Variants in ATP13A2 observed in about 807,000 individuals in gnomAD.
ATP13A2 encodes ATPase cation transporting 13A2, also known as polyamine-transporting ATPase 13A2.
A neutral mutation model predicts 138.3 loss-of-function variants in ATP13A2; 83 were observed. That is an observed-to-expected ratio of 0.60 (90% confidence interval 0.50 to 0.72). The LOEUF (loss-of-function observed/expected upper bound fraction) is 0.72. Among genes scored for constraint, ATP13A2 ranks in the 30% least tolerant of loss-of-function variants. The pLI is 0.00. For missense variants in ATP13A2, 1,402 were observed against 1,606.4 expected, an observed-to-expected ratio of 0.87 and a Z score of 2.17; for synonymous variants, 663 against 699.0, an observed-to-expected ratio of 0.95 and a Z score of 0.81.
At position 17,000,551 on chromosome 1, in the gene ATP13A2, A is replaced by G; in HGVS notation, c.706-17T>C. On this transcript the variant is annotated splice_polypyrimidine_tract_variant and intron_variant, in intron 8 of 28. Coordinates refer to ENST00000326735, the MANE Select transcript of ATP13A2 (RefSeq NM_022089.4). ...GTTCAGTGCCTGGGGGAGGGGCGGG[A>G]GGCAGCGTCAGGGCCGCGTCCCCCA... The G allele has an allele frequency of 1.2e-5, 20 of 1,610,862 alleles. No individual in the cohort carries two copies. Among genetic ancestry groups the G allele is most frequent in the Middle Eastern group, 1.7e-4 (1 of 6,022 alleles).
At chr1:17,001,466 T>C (rs949450634) in intron 8 of ATP13A2, among the ~76,000 whole-genome samples, 9 of 151,744 alleles carry the variant, frequency 5.9e-5, no homozygotes, top group Non-Finnish European at 1.2e-4. Flanking sequence ...AAAAACCACA[T>C]AGCTTCTAAG....
chr1:16,989,295 G>A lies in ATP13A2; in HGVS notation c.2609+396C>T, dbSNP rs116131655. 5.0e-3 allele frequency among the ~76,000 whole-genome samples: 760 copies of A among 151,940 alleles called. 4 individuals are homozygous for A. Among genetic ancestry groups the A allele is most frequent in the African/African-American group, 0.016 (669 of 41,432 alleles). On this transcript the variant is annotated intron_variant, in intron 23 of 28. Transcript: ENST00000326735. ...GGTGTGATCATGGCTCACTGCAGCC[G>A]CAGCCTCCCAGGCTCAAGCAACCCT...
rs778825537 is a variant in ATP13A2, at chr1:16,985,996, G to A, written c.*225C>T. ...CATGACTTTATTTGCTACACTGACA[G>A]CAGCACTGAGGGGAGCTGGGGGCTG... On this transcript the variant is annotated 3_prime_UTR_variant, in exon 29 of 29. Transcript: ENST00000326735. 1.4e-6 allele frequency: 2 copies of A among 1,452,182 alleles called. No individual in the cohort carries two copies. The highest frequency in any genetic ancestry group is 2.9e-5 in the Admixed American group (1 of 34,780). The allele number at this position is 1,452,182 out of a possible 1,614,324, so 90.0% of individuals were successfully genotyped here.
At position 16,996,447 on chromosome 1, in the gene ATP13A2, C is replaced by T. The variant is rs1203414263; in HGVS notation, c.1245G>A (p.Arg415=). ...GGLVSSILHP[R]PINFKFYKHS... is the part of the protein sequence containing the mutation. Reference sequence around the variant, plus strand: ...GTTTATAGAACTTGAAGTTGATGGGCCGGGGGTGCAAGATGGAGCTCACCA... The same window carrying T: ...GTTTATAGAACTTGAAGTTGATGGGTCGGGGGTGCAAGATGGAGCTCACCA... The change falls in exon 13 of 29, where the codon CGG becomes CGA. Residue 415 remains arginine (R), a synonymous_variant. Coordinates refer to ENST00000326735, the MANE Select transcript of ATP13A2 (RefSeq NM_022089.4). The T allele has an allele frequency of 6.2e-7, 1 of 1,614,090 alleles. No homozygotes were observed. Among genetic ancestry groups the T allele is most frequent in the East Asian group, 2.2e-5 (1 of 44,866 alleles).
chr1:16,998,130 T>C (rs989375351), intron 11 of ATP13A2, among the ~76,000 whole-genome samples: 1 of 152,208 alleles, frequency 6.6e-6, no homozygotes, highest in Non-Finnish European at 1.5e-5. Flanking sequence ...GATGAGCAGA[T>C]GAAGTATGTG....
chr1:17,005,505 C>G lies in ATP13A2; in HGVS notation c.157G>C (p.Val53Leu). The change falls in exon 3 of 29, where the codon GTG becomes CTG. Residue 53 changes from valine (V) to leucine (L), a missense_variant. Transcript: ENST00000326735. ...SPWRVIGYHV[V>L]VWMMAGIPLL... ...GGGATCCCAGCCATCATCCAGACCA[C>G]GACGTGATAGCCGATGACCCTCCAT... 6.2e-7 allele frequency: 1 copy of G among 1,614,258 alleles called. No individual in the cohort carries two copies. The highest frequency in any genetic ancestry group is 8.5e-7 in the Non-Finnish European group (1 of 1,180,052).
At position 17,000,419 on chromosome 1, in the gene ATP13A2, G is replaced by A. The variant is rs1213129765; in HGVS notation, c.821C>T (p.Ser274Leu). Residue 274 changes from serine to leucine, a missense_variant, in exon 9 of 29, where the codon TCG (serine) becomes TTG (leucine). By Grantham distance (145) the Ser-to-Leu change is moderately radical. Transcript: ENST00000326735. ...ACTCACCTTTCTGGTCTTGTACAGCGACAGGCAGATGGAGATGGAGGAAAT... is the reference window on the plus strand; with the variant it reads ...ACTCACCTTTCTGGTCTTGTACAGCAACAGGCAGATGGAGATGGAGGAAAT... Reference protein sequence around the residue: ...FLISSISICLSLYKTRKQSQT... With the variant: ...FLISSISICLLLYKTRKQSQT... 9 of 1,613,766 alleles carry A rather than the reference G, an allele frequency of 5.6e-6. No individual in the cohort carries two copies. Among genetic ancestry groups the A allele is most frequent in the South Asian group, 2.2e-5 (2 of 91,008 alleles).
Position 17,002,029 on chromosome 1 carries a change from C to T in ATP13A2, c.705+5G>A, listed in dbSNP as rs1397251464. The T allele has an allele frequency of 6.2e-7, 1 of 1,610,180 alleles. No individual in the cohort carries two copies. The highest frequency in any genetic ancestry group is 1.3e-5 in the African/African-American group (1 of 74,904). On this transcript the variant is annotated splice_donor_5th_base_variant and intron_variant, in intron 8 of 28. Coordinates refer to ENST00000326735, the MANE Select transcript of ATP13A2 (RefSeq NM_022089.4). ...GGCTGGGGCAAGACCCAGGGACAGCCCTACCTCGTCCACCAGCAGCTGGGG... is the reference window on the plus strand; with the variant it reads ...GGCTGGGGCAAGACCCAGGGACAGCTCTACCTCGTCCACCAGCAGCTGGGG...
rs1386221376 is a variant in ATP13A2 at position 16,986,668 on chromosome 1, C to A, written c.3236-36G>T. 2.9e-5 allele frequency: 46 copies of A among 1,573,582 alleles called. No individual in the cohort carries two copies. The highest frequency in any genetic ancestry group is 3.9e-5 in the Non-Finnish European group (45 of 1,162,770). On this transcript the variant is annotated intron_variant, in intron 27 of 28. Coordinates refer to ENST00000326735, the MANE Select transcript of ATP13A2 (RefSeq NM_022089.4). The surrounding 1 kb of genome is among the most constrained non-coding windows in gnomAD (Gnocchi z 6.9). The stretch of plus-strand genomic sequence containing the variant: ...GAGAGTCTCTCAGGCAGGAGCCACG[C>A]CCCCCCGGCACCCACAGACACACGT...
chr1:17,004,604 T>TCAC lies in ATP13A2; in HGVS notation c.477+87_477+88insGTG, dbSNP rs768506558. On this transcript the variant is annotated intron_variant, in intron 5 of 28. Coordinates refer to ENST00000326735, the MANE Select transcript of ATP13A2 (RefSeq NM_022089.4). The surrounding 1 kb of genome is among the most constrained non-coding windows in gnomAD (Gnocchi z 4.1). The stretch of plus-strand genomic sequence containing the variant: ...TGTTTGGGACAACAGAACTAAAAGG[T>TCAC]GGTGGGAGAACATGAAGTCTGACTC... 492 of 1,609,864 alleles carry TCAC rather than the reference T, an allele frequency of 3.1e-4. 5 individuals carry two copies. Among genetic ancestry groups the TCAC allele is most frequent in the South Asian group, 1.7e-3 (155 of 90,902 alleles).
At chr1:17,000,674 C>T in intron 8 of ATP13A2, 140 bp from the exon 9 acceptor site, 2 of 1,102,680 alleles carry the variant, frequency 1.8e-6, no homozygotes, top group South Asian at 3.3e-5. Context: ...CTGGTCAATC[C>T]CATCCCCACC....
intron 8 of ATP13A2, 157 bp from the exon 9 acceptor site, chr1:17,000,691 G>A: frequency 6.4e-6 from 6 of 935,762 alleles, no homozygotes; most frequent in Non-Finnish European, 9.4e-6. Flanking sequence ...CACCCAACCA[G>A]ACATCCCCAG....
At chr1:17,001,263 C>CAAAA (rs376331099) in intron 8 of ATP13A2, among the ~76,000 whole-genome samples, 3 of 124,034 alleles carry the variant, frequency 2.4e-5, no homozygotes, top group Non-Finnish European at 1.7e-5. Flanking sequence ...ACTAAAAATA[C>CAAAA]AAAAAAAAAA....
In ATP13A2 at chr1:16,992,516, G is replaced by C. The variant is rs2076603; in HGVS notation, c.1815C>G (p.Pro605=). ...CCTGCAGCTGGGGCTCCCAAAGTGGGGGTCTCATCACTGCCAAGACCTGGG... is the reference window on the plus strand; with the variant it reads ...CCTGCAGCTGGGGCTCCCAAAGTGGCGGTCTCATCACTGCCAAGACCTGGG... The part of the protein sequence containing the change: ...FGTQVLAVMR[P]PLWEPQLQAM... Residue 605 remains proline, a synonymous_variant, in exon 17 of 29, where the codon CCC becomes CCG. Transcript: ENST00000326735. 2.5e-6 allele frequency: 4 copies of C among 1,613,940 alleles called. No individual in the cohort carries two copies. The highest frequency in any genetic ancestry group is 3.4e-6 in the Non-Finnish European group (4 of 1,179,982).
At chr1:16,991,951 G>T in intron 19 of ATP13A2, 58 bp downstream of exon 19, 2 of 1,609,452 alleles carry the variant, frequency 1.2e-6, no homozygotes, top group Admixed American at 3.3e-5. Context: ...GGCTCTGCCT[G>T]CGTGAGAGCC....
At chr1:16,996,229 C>A in intron 14 of ATP13A2, 25 bp downstream of exon 14, 2 of 1,614,098 alleles carry the variant, frequency 1.2e-6, no homozygotes, top group Non-Finnish European at 1.7e-6. Flanking sequence ...CTGGCAGCAC[C>A]CCCCACCCCA....
chr1:17,007,609 T>C (rs1200914633), intron 1 of ATP13A2, among the ~76,000 whole-genome samples: 1 of 143,996 alleles, frequency 6.9e-6, no homozygotes. Context: ...TGGAGTGCAG[T>C]GGCGCGATCT....
chr1:16,993,815 G>A lies in ATP13A2; in HGVS notation c.1563C>T (p.Asp521=), dbSNP rs777948791. 1.8e-5 allele frequency: 28 copies of A among 1,569,634 alleles called. No individual in the cohort carries two copies. Among genetic ancestry groups the A allele is most frequent in the Admixed American group, 5.5e-5 (3 of 54,178 alleles). ...GCACCACCCCCATCACGTCTAAGCC[G>A]TCCTCAGTGAGGGTGCCCGTCTGTG... ...CFDKTGTLTE[D]GLDVMGVVPL... Residue 521 remains aspartate, a synonymous_variant, in exon 16 of 29, where the codon GAC becomes GAT. Coordinates refer to ENST00000326735, the MANE Select transcript of ATP13A2 (RefSeq NM_022089.4).
intron 25 of ATP13A2, 73 bp downstream of exon 25, chr1:16,988,065 C>G: frequency 1.4e-6 from 2 of 1,384,262 alleles, no homozygotes; most frequent in South Asian, 2.4e-5. Context: ...GACCTGCCAG[C>G]TCCAAGGCAC....
Sources: allele counts gnomAD v4.1 joint callset (sites outside exome capture counted in the v4.1 genomes callset), GRCh38; gene constraint gnomAD v4.1.1; non-coding constraint Gnocchi (gnomAD v3.1); transcripts MANE v1.5; gene names NCBI Gene and HGNC (gene_info 2026-07-23, HGNC 2026-07-21).